Variants in SLC35F1 observed in about 807,000 individuals in gnomAD.
SLC35F1 encodes solute carrier family 35 member F1, also known as chromosome 6 open reading frame 169.
A neutral mutation model predicts 48.7 loss-of-function variants in SLC35F1; 14 were observed. That is an observed-to-expected ratio of 0.29 (90% CI 0.19 to 0.45). The LOEUF (loss-of-function observed/expected upper bound fraction) is 0.45. Among genes scored for constraint, SLC35F1 ranks in the 20% least tolerant of loss-of-function variants. SLC35F1 has a pLI of 1.00. For missense variants in SLC35F1, 404 were observed against 500.0 expected (o/e 0.81, Z 1.83); for synonymous variants, 190 against 202.2 (o/e 0.94, Z 0.51).
At chr6:118,286,805 T>TGTGTGTTTG (rs1562351393) in intron 7 of SLC35F1, among the ~76,000 whole-genome samples, 1 of 143,986 alleles carries the variant, frequency 6.9e-6, no homozygotes, top group African/African-American at 2.6e-5. Context: ...GTGTGTGTGT[T>TGTGTGTTTG]TGTGTGTGTG....
At chr6:118,129,757 A>C (rs564300517) in intron 1 of SLC35F1, among the ~76,000 whole-genome samples, 2 of 152,194 alleles carry the variant, frequency 1.3e-5, no homozygotes, top group Non-Finnish European at 2.9e-5. Flanking sequence ...TATGAATACC[A>C]AGTCATTGAC....
At chr6:118,094,523 T>G (rs747194425) in intron 1 of SLC35F1, among the ~76,000 whole-genome samples, 4 of 151,988 alleles carry the variant, frequency 2.6e-5, no homozygotes, top group Non-Finnish European at 5.9e-5. Context: ...GAGAATAAAA[T>G]AGACAGAAGA....
chr6:118,022,451 T>A (rs1355387714), intron 1 of SLC35F1, among the ~76,000 whole-genome samples: 1 of 152,072 alleles, frequency 6.6e-6, no homozygotes, highest in Non-Finnish European at 1.5e-5. Context: ...GGGAGCAAAG[T>A]GATGACATTG....
chr6:118,045,434 C>A (rs1772286188), intron 1 of SLC35F1, among the ~76,000 whole-genome samples: 1 of 152,128 alleles, frequency 6.6e-6, no homozygotes, highest in Non-Finnish European at 1.5e-5. Flanking sequence ...TTATAGGAAG[C>A]TCTTGATAGA....
At chr6:117,922,248 A>C (rs765288418) in intron 1 of SLC35F1, among the ~76,000 whole-genome samples, 1 of 152,204 alleles carries the variant, frequency 6.6e-6, no homozygotes, top group Non-Finnish European at 1.5e-5. Context: ...GTAGTTAGGT[A>C]GTCCCAGCTC....
At chr6:117,954,797 G>C (rs6903073) in intron 1 of SLC35F1, among the ~76,000 whole-genome samples, 1 of 152,058 alleles carries the variant, frequency 6.6e-6, no homozygotes, top group African/African-American at 2.4e-5. Flanking sequence ...ATCACAGGCT[G>C]TGTCCTTTGG....
chr6:118,306,032 C>G (rs1776307743), intron 7 of SLC35F1, among the ~76,000 whole-genome samples: 1 of 152,190 alleles, frequency 6.6e-6, no homozygotes, highest in African/African-American at 2.4e-5. Flanking sequence ...AGGACCTCCT[C>G]CTGTATGCCA....
At chr6:117,959,466 G>T (rs1180722311) in intron 1 of SLC35F1, among the ~76,000 whole-genome samples, 1 of 152,168 alleles carries the variant, frequency 6.6e-6, no homozygotes, top group Admixed American at 6.5e-5. Context: ...ATCTCTGTCT[G>T]TAGGGCCAGA....
At chr6:117,908,228 C>T (rs1387556841) in intron 1 of SLC35F1, among the ~76,000 whole-genome samples, 1 of 152,098 alleles carries the variant, frequency 6.6e-6, no homozygotes, top group Non-Finnish European at 1.5e-5. Flanking sequence ...CTTTCCCTCT[C>T]GCACCCCGGC....
At chr6:118,155,785 C>T (rs58870459) in intron 2 of SLC35F1, among the ~76,000 whole-genome samples, 2,990 of 152,082 alleles carry the variant, frequency 0.02, 116 homozygotes, top group African/African-American at 0.068. Flanking sequence ...ATTTGGAGAC[C>T]ATTATATACA....
intron 1 of SLC35F1, among the ~76,000 whole-genome samples, chr6:117,920,137 G>A (rs571081582): frequency 1.7e-3 from 256 of 152,336 alleles, no homozygotes; most frequent in Non-Finnish European, 2.7e-3. Flanking sequence ...TGCAGGCCGG[G>A]GAAACACTGC....
chr6:117,950,658 C>T (rs1776353031), intron 1 of SLC35F1, among the ~76,000 whole-genome samples: 1 of 152,072 alleles, frequency 6.6e-6, no homozygotes, highest in South Asian at 2.1e-4. Context: ...CACATAGCCA[C>T]AGATTAAAGT....
intron 1 of SLC35F1, among the ~76,000 whole-genome samples, chr6:118,103,258 TTTA>T (rs1361075991): frequency 1.8e-4 from 5 of 27,880 alleles, no homozygotes; most frequent in Admixed American, 1.3e-3. Flanking sequence ...AGAACATTTA[TTTA>T]TTTTTTTAAA....
rs576266240 is a variant in SLC35F1, at chr6:118,103,180, A to G, written c.174-51265A>G. Among the ~76,000 whole-genome samples the G allele has an allele frequency of 2.7e-4, 41 of 152,244 alleles. 1 individual carries two copies. The South Asian group carries it at 8.3e-3, about 31-fold the overall frequency. On this transcript the variant is annotated intron_variant, in intron 1 of 7. Transcript: ENST00000360388. ...TGATTATCATCAACCTTAAAAGTTG[A>G]TGGCTAATTTGTCTTATGAGCTGTC...
At chr6:118,150,022 T>C (rs1341111633) in intron 1 of SLC35F1, among the ~76,000 whole-genome samples, 2 of 152,210 alleles carry the variant, frequency 1.3e-5, no homozygotes, top group East Asian at 3.8e-4. Flanking sequence ...AATTAAAAAG[T>C]TGAGATTTGG....
At chr6:118,262,877 A>C (rs1167842990) in intron 3 of SLC35F1, among the ~76,000 whole-genome samples, 1 of 152,018 alleles carries the variant, frequency 6.6e-6, no homozygotes, top group Non-Finnish European at 1.5e-5. Context: ...GCTTGAGCCC[A>C]GGAGATTGAG....
intron 1 of SLC35F1, among the ~76,000 whole-genome samples, chr6:117,908,588 G>T (rs1003593195): frequency 6.6e-6 from 1 of 152,254 alleles, no homozygotes; most frequent in Non-Finnish European, 1.5e-5. Context: ...CGGAGGGGGC[G>T]GGTGCCGATC....
intron 1 of SLC35F1, among the ~76,000 whole-genome samples, chr6:117,992,869 C>G (rs1374521851): frequency 6.6e-6 from 1 of 152,216 alleles, no homozygotes; most frequent in Non-Finnish European, 1.5e-5. Context: ...TCTACAATAT[C>G]TATCAGAAAG....
chr6:118,161,989 A>G (rs769667456), intron 2 of SLC35F1, among the ~76,000 whole-genome samples: 3 of 152,234 alleles, frequency 2.0e-5, no homozygotes, highest in Non-Finnish European at 4.4e-5. Context: ...GGTTAAACGT[A>G]CATTTGCCAT....
Sources: gnomAD v4.1 joint callset for allele counts (sites outside exome capture counted in the v4.1 genomes callset) on GRCh38, gnomAD v4.1.1 for gene constraint, MANE v1.5 for transcripts, NCBI Gene and HGNC (gene_info 2026-07-23, HGNC 2026-07-21) for gene names.